Variants in ATP9A observed in about 807,000 individuals in gnomAD.
The protein encoded by ATP9A is probable phospholipid-transporting ATPase IIA.
In ATP9A, 52 loss-of-function variants were observed where a neutral mutation model predicts 144.1. The observed-to-expected ratio is 0.36, with a 90% CI of 0.29 to 0.45. The LOEUF is 0.45. ATP9A is among the 20% of genes least tolerant of loss of function. The probability of loss-of-function intolerance (pLI) is 1.00; values close to 1 mark genes in which losing one functional copy is unlikely to be tolerated. For synonymous variants in ATP9A, 582 were observed against 557.4 expected (o/e 1.04, Z -0.62); for missense variants, 947 against 1,392.7 (o/e 0.68, Z 5.09).
intron 26 of ATP9A, among the ~76,000 whole-genome samples, chr20:51,607,198 TACG>T (rs1222283790): frequency 6.6e-6 from 1 of 152,222 alleles, no homozygotes; most frequent in East Asian, 1.9e-4. Flanking sequence ...TTTCCAAAAC[TACG>T]ACTTGACCTG....
intron 24 of ATP9A, among the ~76,000 whole-genome samples, chr20:51,609,882 T>C (rs2077178370): frequency 6.6e-6 from 1 of 152,132 alleles, no homozygotes; most frequent in Non-Finnish European, 1.5e-5. Context: ...ACCACACACA[T>C]CTCCAACTCC....
intron 14 of ATP9A, among the ~76,000 whole-genome samples, chr20:51,647,097 C>A (rs2077345249): frequency 6.6e-6 from 1 of 152,044 alleles, no homozygotes; most frequent in South Asian, 2.1e-4. Context: ...CCAGCTTGGG[C>A]AACAGAGCAA....
At position 51,613,712 on chromosome 20, in the gene ATP9A, C is replaced by G; in HGVS notation, c.2536G>C (p.Val846Leu). 2 of 1,614,096 alleles carry G rather than the reference C, an allele frequency of 1.2e-6. No individual in the cohort carries two copies. The highest frequency in any genetic ancestry group is 1.7e-6 in the Non-Finnish European group (2 of 1,179,982). The change falls in exon 23 of 28, where the codon GTG becomes CTG. Residue 846 changes from valine to leucine, a missense_variant. Physicochemically the swap from Val to Leu is conservative, Grantham distance 32 (BLOSUM62 1). Transcript: ENST00000338821. ...YKRSAALSQF[V>L]IHRSLCISTM... ...CTGATACAGAGGCTCCTGTGAATCA[C>G]GAACTGGCTGAGGGCGGCTGACCGC... is the stretch of plus-strand genomic sequence containing the variant.
chr20:51,706,015 G>C (rs570392018), intron 4 of ATP9A, among the ~76,000 whole-genome samples: 1 of 152,304 alleles, frequency 6.6e-6, no homozygotes, highest in East Asian at 1.9e-4. Flanking sequence ...GAATTTGTAA[G>C]TAGGAGGAAA....
chr20:51,613,981 G>C (rs2077193794), intron 22 of ATP9A, 149 bp from the exon 23 acceptor site: 1 of 732,838 alleles, frequency 1.4e-6, no homozygotes, highest in South Asian at 2.3e-5. Context: ...GCAGTTGGTG[G>C]TCCAAGTCTA....
At chr20:51,676,711 T>A (rs2077478762) in intron 9 of ATP9A, among the ~76,000 whole-genome samples, 1 of 152,154 alleles carries the variant, frequency 6.6e-6, no homozygotes, top group East Asian at 1.9e-4. Context: ...ACTCCTGATT[T>A]CAACTGATCC....
intron 4 of ATP9A, among the ~76,000 whole-genome samples, chr20:51,703,190 A>G (rs1458766034): frequency 6.6e-6 from 1 of 151,996 alleles, no homozygotes; most frequent in Non-Finnish European, 1.5e-5. Flanking sequence ...CACAATTTTC[A>G]TTTTTCACTG....
At chr20:51,730,135 C>G (rs1027378331) in intron 1 of ATP9A, among the ~76,000 whole-genome samples, 157 bp from the exon 2 acceptor site, 2 of 152,198 alleles carry the variant, frequency 1.3e-5, no homozygotes, top group Non-Finnish European at 2.9e-5. Context: ...AACAAGAAAA[C>G]AGAGCAGAAG....
chr20:51,695,988 G>A, intron 6 of ATP9A, 105 bp downstream of exon 6: 1 of 1,062,074 alleles, frequency 9.4e-7, no homozygotes, highest in Non-Finnish European at 1.4e-6. Flanking sequence ...TTGCCTCCAT[G>A]GCTCCAAAAT....
chr20:51,764,931 G>A (rs971268702), intron 1 of ATP9A, among the ~76,000 whole-genome samples: 7 of 152,090 alleles, frequency 4.6e-5, no homozygotes, highest in African/African-American at 1.7e-4. Flanking sequence ...ATGTTGGCCA[G>A]GCTGGTCTCG....
intron 4 of ATP9A, among the ~76,000 whole-genome samples, chr20:51,709,209 A>T (rs1417578792): frequency 6.6e-6 from 1 of 152,080 alleles, no homozygotes; most frequent in Non-Finnish European, 1.5e-5. Context: ...ATTGGGGGAA[A>T]CAAAAGTATT....
chr20:51,655,028 A>C (rs2077381467), intron 14 of ATP9A, among the ~76,000 whole-genome samples: 1 of 152,224 alleles, frequency 6.6e-6, no homozygotes, highest in Non-Finnish European at 1.5e-5. Context: ...CACTTCTAGA[A>C]TTATAAGGTG....
intron 27 of ATP9A, among the ~76,000 whole-genome samples, chr20:51,602,252 G>A (rs1252391386): frequency 1.3e-5 from 2 of 152,130 alleles, no homozygotes; most frequent in Non-Finnish European, 2.9e-5. Context: ...GACAGTTTGT[G>A]GCTTTCAATA....
At chr20:51,711,349 T>C (rs941184500) in intron 4 of ATP9A, among the ~76,000 whole-genome samples, 2 of 152,176 alleles carry the variant, frequency 1.3e-5, no homozygotes, top group African/African-American at 4.8e-5. Context: ...CATACACCTT[T>C]GACATTTTTC....
chr20:51,630,325 T>C (rs1245837230), intron 15 of ATP9A, among the ~76,000 whole-genome samples: 3 of 152,194 alleles, frequency 2.0e-5, no homozygotes, highest in African/African-American at 4.8e-5. Flanking sequence ...ATCAATACCT[T>C]GTGCCTAAAT....
chr20:51,685,597 A>AAAAGG (rs2077519837), intron 9 of ATP9A, among the ~76,000 whole-genome samples: 1 of 151,908 alleles, frequency 6.6e-6, no homozygotes, highest in Non-Finnish European at 1.5e-5. Context: ...AAAAGAAAAG[A>AAAAGG]AAAACAGACA....
intron 22 of ATP9A, 22 bp downstream of exon 22, chr20:51,617,468 G>A (rs1481758823): frequency 1.5e-5 from 24 of 1,602,292 alleles, no homozygotes; most frequent in Middle Eastern, 1.6e-4. Flanking sequence ...AAGTGGAGCC[G>A]AGCAGAGGGA....
At chr20:51,655,966 A>G (rs1245115479) in intron 14 of ATP9A, among the ~76,000 whole-genome samples, 7 of 152,234 alleles carry the variant, frequency 4.6e-5, no homozygotes, top group African/African-American at 1.4e-4. Flanking sequence ...TGAAGCATTG[A>G]TGAGTGAATA....
At chr20:51,727,499 T>C (rs1660145012) in intron 2 of ATP9A, among the ~76,000 whole-genome samples, 1 of 151,568 alleles carries the variant, frequency 6.6e-6, no homozygotes, top group Non-Finnish European at 1.5e-5. Context: ...AGTGGGAGGA[T>C]CAATTGAGCC....
Sources: allele counts gnomAD v4.1 joint callset (sites outside exome capture counted in the v4.1 genomes callset), GRCh38; gene constraint gnomAD v4.1.1; transcripts MANE v1.5; gene names NCBI Gene and HGNC (gene_info 2026-07-23, HGNC 2026-07-21).